The following SPAST variants were observed in gnomAD, a reference collection of about 807,000 sequenced individuals.
The protein encoded by SPAST is spastin.
Under a neutral mutation model 76.6 loss-of-function variants are expected in SPAST, and 30 were observed. That is an observed-to-expected ratio of 0.39 (90% CI 0.29 to 0.53). SPAST has a LOEUF of 0.53. Among genes scored for constraint, SPAST ranks in the 20% least tolerant of loss-of-function variants. The pLI is 0.68. For missense variants in SPAST, 717 were observed against 770.5 expected, an observed-to-expected ratio of 0.93 and a Z score of 0.82; for synonymous variants, 305 against 281.0, an observed-to-expected ratio of 1.09 and a Z score of -0.86.
chr2:32,133,507 G>A (rs1679436935), intron 9 of SPAST, among the ~76,000 whole-genome samples: 1 of 152,164 alleles, frequency 6.6e-6, no homozygotes, highest in Non-Finnish European at 1.5e-5. Context: ...AGGATTTTGT[G>A]TGTATGTGTA....
intron 7 of SPAST, among the ~76,000 whole-genome samples, chr2:32,125,451 G>T (rs1030363749): frequency 1.3e-5 from 2 of 152,038 alleles, no homozygotes; most frequent in Non-Finnish European, 1.5e-5. Flanking sequence ...TTGAACTCCT[G>T]ATCTCAGGGG....
At chr2:32,068,080 GC>G (rs1220563993) in intron 1 of SPAST, among the ~76,000 whole-genome samples, 1 of 150,084 alleles carries the variant, frequency 6.7e-6, no homozygotes, top group Non-Finnish European at 1.5e-5. Context: ...CCGGGTTCAC[GC>G]CATTCTCCTG....
chr2:32,104,288 G>C (rs1045242168), intron 4 of SPAST, among the ~76,000 whole-genome samples: 2 of 151,742 alleles, frequency 1.3e-5, no homozygotes, highest in Non-Finnish European at 2.9e-5. Context: ...TGCTTTTTTT[G>C]TTTTCCATTT....
At chr2:32,134,028 C>T (rs1459615403) in intron 9 of SPAST, among the ~76,000 whole-genome samples, 2 of 152,122 alleles carry the variant, frequency 1.3e-5, no homozygotes, top group East Asian at 1.9e-4. Context: ...CAAGTCGTTA[C>T]TCTATTTATT....
intron 1 of SPAST, among the ~76,000 whole-genome samples, chr2:32,075,174 G>A (rs1676902900): frequency 6.6e-6 from 1 of 152,018 alleles, no homozygotes; most frequent in Non-Finnish European, 1.5e-5. Flanking sequence ...TGTAATCCCA[G>A]CACTTTGGGA....
In SPAST at chr2:32,156,443, T is replaced by C. The variant is rs183390258; in HGVS notation, c.*1947T>C. 1 of 152,218 alleles carries C rather than the reference T, an allele frequency of 6.6e-6. No individual in the cohort carries two copies. The highest frequency in any genetic ancestry group is 2.4e-5 in the African/African-American group (1 of 41,542). 9.4% of individuals were successfully genotyped at this position (152,218 alleles called of 1,614,324 possible). A position where few individuals can be genotyped will look rare whatever the true frequency, so the allele number is the denominator to read the frequency against. Reference sequence around the variant, plus strand: ...CTCCCTGAATAATAAAAATGAGAGTTGAGATAAATAGGGGAAAAAAAATTT... The same window carrying C: ...CTCCCTGAATAATAAAAATGAGAGTCGAGATAAATAGGGGAAAAAAAATTT... On this transcript the variant is annotated 3_prime_UTR_variant, in exon 17 of 17. Coordinates refer to ENST00000315285, the MANE Select transcript of SPAST (RefSeq NM_014946.4).
chr2:32,123,416 A>G (rs913370333), intron 7 of SPAST, among the ~76,000 whole-genome samples: 6 of 152,208 alleles, frequency 3.9e-5, no homozygotes, highest in Non-Finnish European at 7.4e-5. Context: ...TTCCATGTAA[A>G]TGGACAGGGA....
At position 32,064,025 on chromosome 2, in the gene SPAST, G is replaced by C; in HGVS notation, c.194G>C (p.Arg65Pro). The C allele has an allele frequency of 6.2e-7, 1 of 1,613,426 alleles. No individual in the cohort carries two copies. The highest frequency in any genetic ancestry group is 8.5e-7 in the Non-Finnish European group (1 of 1,179,580). ...YPLFVGFALLRLVAFHLGLLF... is the reference protein window; with the variant it reads ...YPLFVGFALLPLVAFHLGLLF... ...CTGTTTGTAGGCTTCGCGCTGCTGC[G>C]TTTGGTCGCCTTCCACCTGGGGCTC... The change falls in exon 1 of 17, where the codon CGT becomes CCT. Residue 65 changes from arginine to proline, a missense_variant. Arg to Pro is a moderately radical substitution (Grantham distance 103, BLOSUM62 -2). This residue lies in a region of SPAST where 543 missense variants were observed against 445.2 expected (regional missense o/e 1.22). Transcript: ENST00000315285.
chr2:32,109,265 T>A (rs1223944127), intron 4 of SPAST, among the ~76,000 whole-genome samples: 3 of 151,850 alleles, frequency 2.0e-5, no homozygotes, highest in Non-Finnish European at 4.4e-5. Flanking sequence ...TGTGCCACCA[T>A]GATCAGATTA....
chr2:32,110,117 GTTTTT>G (rs892548492), intron 4 of SPAST, among the ~76,000 whole-genome samples: 7 of 113,050 alleles, frequency 6.2e-5, no homozygotes, highest in African/African-American at 2.3e-4. Context: ...TTTTTTTTTT[GTTTTT>G]TTTGTTTTTT....
intron 4 of SPAST, among the ~76,000 whole-genome samples, chr2:32,099,095 A>T (rs981941698): frequency 5.9e-5 from 9 of 152,182 alleles, no homozygotes; most frequent in Non-Finnish European, 7.4e-5. Flanking sequence ...AACTTGCTTT[A>T]TTTGCATATT....
chr2:32,122,495 TA>T (rs1679053609), intron 7 of SPAST, among the ~76,000 whole-genome samples: 1 of 152,118 alleles, frequency 6.6e-6, no homozygotes, highest in African/African-American at 2.4e-5. Context: ...CTAATTTTTG[TA>T]TTTTTAGTAG....
chr2:32,113,669 G>T (rs1414194237), intron 4 of SPAST, among the ~76,000 whole-genome samples: 1 of 145,644 alleles, frequency 6.9e-6, no homozygotes, highest in East Asian at 2.1e-4. Context: ...GAGTTCAAGT[G>T]ATTCTCCTGC....
At chr2:32,070,056 A>C (rs1463319185) in intron 1 of SPAST, among the ~76,000 whole-genome samples, 4 of 115,004 alleles carry the variant, frequency 3.5e-5, no homozygotes, top group Non-Finnish European at 7.2e-5. Context: ...TGGCATACTA[A>C]AAAAAAAAAA....
intron 2 of SPAST, among the ~76,000 whole-genome samples, chr2:32,089,199 A>ATTTTT (rs375585004): frequency 1.1e-5 from 1 of 89,914 alleles, no homozygotes; most frequent in Non-Finnish European, 2.3e-5. Flanking sequence ...TGCTCGGCTA[A>ATTTTT]TTTTTTTTTT....
intron 14 of SPAST, among the ~76,000 whole-genome samples, chr2:32,144,396 C>T (rs959889841): frequency 1.3e-5 from 2 of 152,104 alleles, no homozygotes; most frequent in African/African-American, 4.8e-5. Context: ...TTAATGAAGC[C>T]TCTGGAGATA....
At chr2:32,112,362 T>C (rs1242043874) in intron 4 of SPAST, among the ~76,000 whole-genome samples, 10 of 151,110 alleles carry the variant, frequency 6.6e-5, no homozygotes, top group Middle Eastern at 3.2e-3. Flanking sequence ...TTTTTTTTTT[T>C]CCTAAGACGG....
At chr2:32,068,993 TGTA>T (rs967327943) in intron 1 of SPAST, among the ~76,000 whole-genome samples, 18 of 152,002 alleles carry the variant, frequency 1.2e-4, no homozygotes, top group African/African-American at 4.4e-4. Flanking sequence ...GCGGATCACT[TGTA>T]GTCAGAAGTT....
At chr2:32,123,461 G>A (rs1156271294) in intron 7 of SPAST, among the ~76,000 whole-genome samples, 2 of 152,154 alleles carry the variant, frequency 1.3e-5, no homozygotes, top group East Asian at 3.8e-4. Context: ...TTCTTCCCAA[G>A]TTCATATATC....
Sources: allele counts gnomAD v4.1 joint callset (sites outside exome capture counted in the v4.1 genomes callset), GRCh38; gene constraint gnomAD v4.1.1; regional missense constraint gnomAD v4.1.1; transcripts MANE v1.5; gene names NCBI Gene and HGNC (gene_info 2026-07-23, HGNC 2026-07-21).